FGF13: variants seen among roughly 807,000 people sequenced by gnomAD.
FGF13 encodes fibroblast growth factor homologous factor 2.
FGF13 carries 2 observed loss-of-function variants against 19.5 expected under a neutral mutation model. The observed-to-expected ratio is 0.10, with a 90% CI of 0.04 to 0.32. FGF13 has a LOEUF of 0.32. FGF13 is among the 10% of genes least tolerant of loss of function. FGF13 has a pLI of 1.00. For synonymous variants in FGF13, 72 were observed against 76.9 expected, an observed-to-expected ratio of 0.94 and a Z score of 0.33; for missense variants, 113 against 192.7, an observed-to-expected ratio of 0.59 and a Z score of 2.45.
chrX:138,894,717 G>A (rs373638167), intron 1 of FGF13, among the ~76,000 whole-genome samples: 3 of 110,528 alleles, frequency 2.7e-5, no homozygotes, highest in East Asian at 2.8e-4. Context: ...ATTCACAGCC[G>A]AATTCTACCA....
chrX:138,692,771 T>C (rs1396216974), intron 3 of FGF13, among the ~76,000 whole-genome samples: 2 of 111,293 alleles, frequency 1.8e-5, no homozygotes, highest in Non-Finnish European at 3.8e-5. Flanking sequence ...CTTGCTAAAA[T>C]TCCTCTTAGT....
intron 1 of FGF13, among the ~76,000 whole-genome samples, chrX:139,036,912 C>CT (rs1344968612): frequency 9.0e-6 from 1 of 111,006 alleles, no homozygotes; most frequent in African/African-American, 3.3e-5. Context: ...CACTGGGTCC[C>CT]TCCCACAGCA....
intron 1 of FGF13, among the ~76,000 whole-genome samples, chrX:138,932,529 T>C (rs1603043216): frequency 9.8e-6 from 1 of 101,986 alleles, no homozygotes; most frequent in Admixed American, 1.0e-4. Context: ...GGGGTGGGGG[T>C]GTGCAGAGGT....
intron 1 of FGF13, among the ~76,000 whole-genome samples, chrX:138,890,433 C>T (rs2091471083): frequency 9.0e-6 from 1 of 111,192 alleles, no homozygotes; most frequent in African/African-American, 3.3e-5. Context: ...CATTTTGTAC[C>T]AAGTTGCACA....
At chrX:139,130,579 T>C (rs1322783790) in intron 1 of FGF13, among the ~76,000 whole-genome samples, 1 of 112,006 alleles carries the variant, frequency 8.9e-6, no homozygotes, top group Non-Finnish European at 1.9e-5. Flanking sequence ...ATGCCTGGCA[T>C]ACGGTAGGTG....
chrX:138,892,000 A>ATGTGTGTGTGTGTGTGTGTGTG (rs200883636), intron 1 of FGF13, among the ~76,000 whole-genome samples: 9 of 46,917 alleles, frequency 1.9e-4, no homozygotes, highest in African/African-American at 6.6e-4. Context: ...CTATATATAC[A>ATGTGTGTGTGTGTGTGTGTGTG]TATGTGTGTG....
chrX:138,934,669 T>G (rs892562791), intron 1 of FGF13, among the ~76,000 whole-genome samples: 1 of 112,307 alleles, frequency 8.9e-6, no homozygotes, highest in Non-Finnish European at 1.9e-5. Context: ...GCTTAGTAGG[T>G]TGGAAATCAA....
In FGF13 at chrX:138,617,416, T is replaced by C. The variant is rs1462634762; in HGVS notation, c.*15434A>G. The stretch of plus-strand genomic sequence containing the variant: ...TGGGGGAAATACTTGGAAGTGAATA[T>C]AATCAACTAACTTGCAACCGTAAGT... On this transcript the variant is annotated 3_prime_UTR_variant, in exon 5 of 5. Coordinates refer to ENST00000315930, the MANE Select transcript of FGF13 (RefSeq NM_004114.5). 8.9e-6 allele frequency: 1 copy of C among 112,267 alleles called. No individual in the cohort carries two copies. Among genetic ancestry groups the C allele is most frequent in the Non-Finnish European group, 1.9e-5 (1 of 53,284 alleles). 9.3% of individuals were successfully genotyped at this position (112,267 alleles called of 1,213,427 possible). A position where few individuals can be genotyped will look rare whatever the true frequency, so the allele number is the denominator to read the frequency against.
intron 1 of FGF13, among the ~76,000 whole-genome samples, chrX:138,901,382 C>T (rs5976217): frequency 0.017 from 1,906 of 111,319 alleles, 45 homozygotes; most frequent in African/African-American, 0.057. Flanking sequence ...GCCCATAGGT[C>T]CTGCATCTCT....
intron 1 of FGF13, among the ~76,000 whole-genome samples, chrX:139,015,242 A>C (rs1455693799): frequency 3.6e-5 from 4 of 111,340 alleles, no homozygotes; most frequent in Admixed American, 1.9e-4. Flanking sequence ...AAAGAAATAA[A>C]GGGCATCCAA....
intron 1 of FGF13, among the ~76,000 whole-genome samples, chrX:139,084,207 T>TG (rs2124443500): frequency 9.6e-6 from 1 of 104,417 alleles, no homozygotes; most frequent in South Asian, 4.4e-4. Flanking sequence ...AAAGAGAAAA[T>TG]GGGGAAGAGG....
At chrX:138,841,822 T>C (rs1281794300) in intron 3 of FGF13, among the ~76,000 whole-genome samples, 2 of 111,789 alleles carry the variant, frequency 1.8e-5, no homozygotes, top group Non-Finnish European at 3.8e-5. Flanking sequence ...AAATTCCTTC[T>C]TTCCTGATCT....
chrX:138,812,653 T>C (rs1201423706), intron 3 of FGF13, among the ~76,000 whole-genome samples: 1 of 111,811 alleles, frequency 8.9e-6, no homozygotes, highest in Non-Finnish European at 1.9e-5. Context: ...TTGGGAAATA[T>C]AGTTACACAT....
Position 138,624,418 on chromosome X carries a change from T to A in FGF13, c.*8432A>T, listed in dbSNP as rs2089039696. 9.0e-6 allele frequency: 1 copy of A among 111,620 alleles called. No homozygotes were observed. Among genetic ancestry groups the A allele is most frequent in the African/African-American group, 3.3e-5 (1 of 30,677 alleles). 9.2% of individuals were successfully genotyped at this position (111,620 alleles called of 1,213,427 possible). A position where few individuals can be genotyped will look rare whatever the true frequency, so the allele number is the denominator to read the frequency against. Reference sequence around the variant, plus strand: ...CTTTATCCTATACCATACACAAAAATCAACTCAAAATCGATTAAAAACTTA... The same window carrying A: ...CTTTATCCTATACCATACACAAAAAACAACTCAAAATCGATTAAAAACTTA... On this transcript the variant is annotated 3_prime_UTR_variant, in exon 5 of 5. Coordinates refer to ENST00000315930, the MANE Select transcript of FGF13 (RefSeq NM_004114.5).
chrX:139,190,121 C>G (rs1204030204), intron 1 of FGF13, among the ~76,000 whole-genome samples: 1 of 111,658 alleles, frequency 9.0e-6, no homozygotes, highest in Non-Finnish European at 1.9e-5. Context: ...CTGTAAACAT[C>G]CCAAGAAAAG....
intron 1 of FGF13, among the ~76,000 whole-genome samples, chrX:138,876,781 T>G (rs896100860): frequency 4.5e-5 from 5 of 112,132 alleles, no homozygotes; most frequent in African/African-American, 9.7e-5. Flanking sequence ...AGTGTTAAGT[T>G]TGAAGAAACA....
chrX:138,985,338 T>C (rs2091990959), intron 1 of FGF13, among the ~76,000 whole-genome samples: 1 of 112,261 alleles, frequency 8.9e-6, no homozygotes, highest in Admixed American at 9.4e-5. Context: ...GGACAGTGAA[T>C]AGTGGCAGAG....
At chrX:138,978,135 C>T (rs1483190933) in intron 1 of FGF13, among the ~76,000 whole-genome samples, 1 of 111,039 alleles carries the variant, frequency 9.0e-6, no homozygotes, top group African/African-American at 3.3e-5. Context: ...TCAGACATGA[C>T]TTGATGGACC....
intron 1 of FGF13, among the ~76,000 whole-genome samples, chrX:139,003,973 C>G (rs1329264148): frequency 8.9e-6 from 1 of 112,598 alleles, no homozygotes; most frequent in Non-Finnish European, 1.9e-5. Context: ...CCGAGTGGAT[C>G]CTGCACCGGG....
Sources: allele counts gnomAD v4.1 joint callset (sites outside exome capture counted in the v4.1 genomes callset), GRCh38; gene constraint gnomAD v4.1.1; transcripts MANE v1.5; gene names NCBI Gene and HGNC (gene_info 2026-07-23, HGNC 2026-07-21).